Variants in IQCM observed in about 807,000 individuals in gnomAD.
IQCM encodes the protein IQ motif containing M.
A neutral mutation model predicts 57.6 loss-of-function variants in IQCM; 45 were observed. The observed-to-expected ratio is 0.78, with a 90% CI of 0.62 to 1.00. The LOEUF (loss-of-function observed/expected upper bound fraction) is 1.00. Among genes scored for constraint, IQCM ranks in the 50% least tolerant of loss-of-function variants. The pLI, the probability that IQCM is intolerant of heterozygous loss-of-function variation, is 0.00. For missense variants in IQCM, 468 were observed against 511.6 expected, an observed-to-expected ratio of 0.91 and a Z score of 0.82; for synonymous variants, 148 against 158.9, an observed-to-expected ratio of 0.93 and a Z score of 0.51.
rs572975457 is a variant in IQCM, at chr4:149,696,145, C to T, written c.386-9677G>A. ...CTCACCCCATTTTTTCGTCGCTACACTCCCAATCTACCTTGTACAGTGGTT... is the reference window on the plus strand; with the variant it reads ...CTCACCCCATTTTTTCGTCGCTACATTCCCAATCTACCTTGTACAGTGGTT... On this transcript the variant is annotated intron_variant, in intron 5 of 13. Transcript: ENST00000636793. Among the ~76,000 whole-genome samples, 5 of 152,206 alleles carry T rather than the reference C, an allele frequency of 3.3e-5. No individual in the cohort carries two copies. The East Asian group carries it at 9.7e-4, about 30-fold the overall frequency.
intron 13 of IQCM, among the ~76,000 whole-genome samples, chr4:149,354,142 A>G (rs1187872974): frequency 1.3e-5 from 2 of 151,584 alleles, no homozygotes; most frequent in South Asian, 4.2e-4. Flanking sequence ...AGGCGGGTGG[A>G]TCACGAGGTC....
At chr4:149,617,862 C>A (rs1230531882) in intron 8 of IQCM, among the ~76,000 whole-genome samples, 1 of 151,864 alleles carries the variant, frequency 6.6e-6, no homozygotes, top group Non-Finnish European at 1.5e-5. Flanking sequence ...ATAGATGGCA[C>A]AAACAAATGG....
chr4:149,628,630 A>T (rs569439636), intron 7 of IQCM, among the ~76,000 whole-genome samples: 1 of 152,310 alleles, frequency 6.6e-6, no homozygotes, highest in Admixed American at 6.5e-5. Context: ...TGAAGAAAAC[A>T]TACTATGTAA....
intron 10 of IQCM, 78 bp downstream of exon 10, chr4:149,563,614 G>A (rs1462951650): frequency 1.0e-6 from 1 of 977,060 alleles, no homozygotes; most frequent in Non-Finnish European, 1.3e-6. Context: ...ACATTGACCA[G>A]ATGACTATTC....
intron 12 of IQCM, among the ~76,000 whole-genome samples, chr4:149,528,030 G>C (rs1215092083): frequency 6.7e-6 from 1 of 150,124 alleles, no homozygotes; most frequent in African/African-American, 2.5e-5. Flanking sequence ...CTATCGCCCA[G>C]GCTGGAGTGC....
At chr4:149,619,107 G>GATATATATATATAT (rs70965194) in intron 8 of IQCM, among the ~76,000 whole-genome samples, 5,238 of 125,374 alleles carry the variant, frequency 0.042, 145 homozygotes, top group Non-Finnish European at 0.052. Flanking sequence ...ATGTGGGATG[G>GATATATATATATAT]ATATATATAT....
chr4:149,387,390 G>A (rs956028073), intron 13 of IQCM, among the ~76,000 whole-genome samples: 1 of 152,010 alleles, frequency 6.6e-6, no homozygotes, highest in African/African-American at 2.4e-5. Flanking sequence ...AGCAGGTGGT[G>A]ACAAATGGAT....
At chr4:149,354,789 A>G (rs1728842534) in intron 13 of IQCM, among the ~76,000 whole-genome samples, 1 of 152,136 alleles carries the variant, frequency 6.6e-6, no homozygotes, top group South Asian at 2.1e-4. Context: ...TATTGAAAGG[A>G]CCCAAAACTA....
intron 9 of IQCM, among the ~76,000 whole-genome samples, chr4:149,578,732 A>G (rs1751892452): frequency 6.6e-6 from 1 of 151,904 alleles, no homozygotes; most frequent in Non-Finnish European, 1.5e-5. Context: ...TCTAAAATCA[A>G]TTTCTAATAT....
intron 7 of IQCM, among the ~76,000 whole-genome samples, chr4:149,667,415 C>A (rs938484075): frequency 1.3e-5 from 2 of 152,034 alleles, no homozygotes; most frequent in African/African-American, 4.8e-5. Flanking sequence ...ACACAAAAAC[C>A]CTATCTGAAG....
intron 7 of IQCM, among the ~76,000 whole-genome samples, chr4:149,635,121 T>C (rs1260311809): frequency 2.6e-5 from 4 of 152,270 alleles, no homozygotes; most frequent in Non-Finnish European, 4.4e-5. Flanking sequence ...GGAAAAGAGA[T>C]CAGACTCACA....
chr4:149,814,483 G>T (rs1580365046), intron 2 of IQCM, among the ~76,000 whole-genome samples: 1 of 151,818 alleles, frequency 6.6e-6, no homozygotes, highest in African/African-American at 2.4e-5. Flanking sequence ...AGTATACAGG[G>T]TAATTACTTC....
At chr4:149,378,885 C>T (rs1215292567) in intron 13 of IQCM, among the ~76,000 whole-genome samples, 1 of 152,144 alleles carries the variant, frequency 6.6e-6, no homozygotes, top group East Asian at 1.9e-4. Flanking sequence ...AACCTGGAGG[C>T]CTGGGAGGCA....
chr4:149,538,785 C>A (rs914573685), intron 12 of IQCM, among the ~76,000 whole-genome samples: 2 of 151,664 alleles, frequency 1.3e-5, no homozygotes, highest in African/African-American at 4.8e-5. Flanking sequence ...CACAAGCATA[C>A]CCCAGAAAAG....
intron 12 of IQCM, among the ~76,000 whole-genome samples, chr4:149,520,170 G>A (rs1443605869): frequency 2.0e-5 from 3 of 149,270 alleles, no homozygotes; most frequent in Non-Finnish European, 4.4e-5. Context: ...AGTACTTTCT[G>A]TATATTAATT....
At chr4:149,681,455 G>A (rs1233190703) in intron 7 of IQCM, among the ~76,000 whole-genome samples, 1 of 151,172 alleles carries the variant, frequency 6.6e-6, no homozygotes, top group African/African-American at 2.4e-5. Context: ...AATTTGTTTG[G>A]AAGTGAGCTT....
chr4:149,697,370 C>A (rs1763419395), intron 5 of IQCM, among the ~76,000 whole-genome samples: 1 of 151,932 alleles, frequency 6.6e-6, no homozygotes, highest in African/African-American at 2.4e-5. Flanking sequence ...ATGTTGTGCA[C>A]TTGTACCCTA....
At chr4:149,430,074 T>C (rs1734720038) in intron 13 of IQCM, 2 of 1,126,214 alleles carry the variant, frequency 1.8e-6, no homozygotes, top group Admixed American at 4.3e-5. Context: ...TTCATCTTAT[T>C]AAACCCAAAA....
At chr4:149,562,837 A>T (rs1197619668) in intron 10 of IQCM, among the ~76,000 whole-genome samples, 2 of 152,226 alleles carry the variant, frequency 1.3e-5, no homozygotes, top group East Asian at 1.9e-4. Context: ...TAACTCTAAC[A>T]GTATCACCAC....
Sources: allele counts gnomAD v4.1 joint callset (sites outside exome capture counted in the v4.1 genomes callset), GRCh38; gene constraint gnomAD v4.1.1; transcripts MANE v1.5; gene names NCBI Gene and HGNC (gene_info 2026-07-23, HGNC 2026-07-21).